Variants in PLCXD3 observed in about 807,000 individuals in gnomAD.
The protein encoded by PLCXD3 is PI-PLC X domain-containing protein 3.
A neutral mutation model predicts 25.5 loss-of-function variants in PLCXD3; 19 were observed. The observed-to-expected ratio is 0.75, with a 90% CI of 0.52 to 1.09. The LOEUF is 1.09. Ranked by LOEUF, PLCXD3 falls within the 50% of genes least tolerant of loss-of-function variation. The pLI, the probability that PLCXD3 is intolerant of heterozygous loss-of-function variation, is 0.00. For synonymous variants in PLCXD3, 174 were observed against 137.6 expected (o/e 1.26, Z -1.85); for missense variants, 411 against 388.1 (o/e 1.06, Z -0.50).
intron 1 of PLCXD3, among the ~76,000 whole-genome samples, chr5:41,471,780 ACCTTC>A (rs1443982950): frequency 6.6e-5 from 4 of 60,250 alleles, no homozygotes; most frequent in East Asian, 4.5e-4. Flanking sequence ...TCTTTTCAAG[ACCTTC>A]CCTTCCCTTC....
At chr5:41,401,572 T>A (rs1372394325) in intron 1 of PLCXD3, among the ~76,000 whole-genome samples, 3 of 152,090 alleles carry the variant, frequency 2.0e-5, no homozygotes, top group Non-Finnish European at 4.4e-5. Context: ...AGCACCACAC[T>A]GTCTTAACTA....
chr5:41,316,761 G>T lies in PLCXD3; in HGVS notation c.813-2991C>A, dbSNP rs189635424. ...AGGGTGGTGGTGGCTATAGGGTGAG[G>T]CTCCTGTACCTTTGGAAAGGACAGG... On this transcript the variant is annotated intron_variant, in intron 2 of 2. Transcript: ENST00000377801. Among the ~76,000 whole-genome samples the T allele has an allele frequency of 2.6e-3, 391 of 152,276 alleles. 1 individual carries two copies. The highest frequency in any genetic ancestry group is 4.7e-3 in the Non-Finnish European group (318 of 68,020).
chr5:41,443,660 C>T (rs531355048), intron 1 of PLCXD3, among the ~76,000 whole-genome samples: 2 of 152,202 alleles, frequency 1.3e-5, no homozygotes, highest in South Asian at 2.1e-4. Context: ...TTTGCAGGAA[C>T]GCAGAGGTGG....
In PLCXD3 at chr5:41,382,420, A is replaced by G. The variant is rs781009875; in HGVS notation, c.218T>C (p.Met73Thr). ...TGTCTGAGTGGCTAACCATTTCCGCATGAGCTTTTTGGCCACAGTTCCAAA... is the reference window on the plus strand; with the variant it reads ...TGTCTGAGTGGCTAACCATTTCCGCGTGAGCTTTTTGGCCACAGTTCCAAA... Reference protein sequence around the residue: ...SVFGTVAKKLMRKWLATQTMN... With the variant: ...SVFGTVAKKLTRKWLATQTMN... The change falls in exon 2 of 3, where the codon ATG (methionine) becomes ACG (threonine). Residue 73 changes from methionine (M) to threonine (T), a missense_variant. Coordinates refer to ENST00000377801, the MANE Select transcript of PLCXD3 (RefSeq NM_001005473.3). 2 of 1,613,384 alleles carry G rather than the reference A, an allele frequency of 1.2e-6. No individual in the cohort carries two copies. The highest frequency in any genetic ancestry group is 1.3e-5 in the African/African-American group (1 of 74,874).
intron 1 of PLCXD3, among the ~76,000 whole-genome samples, chr5:41,473,446 T>A (rs894341438): frequency 7.9e-5 from 12 of 151,464 alleles, no homozygotes; most frequent in African/African-American, 2.2e-4. Flanking sequence ...ATTACTTTTT[T>A]AATTAATTAA....
At chr5:41,338,061 A>T (rs1242186519) in intron 2 of PLCXD3, among the ~76,000 whole-genome samples, 4 of 152,116 alleles carry the variant, frequency 2.6e-5, no homozygotes, top group African/African-American at 9.7e-5. Flanking sequence ...TTAATTTGTA[A>T]TACATTCTCC....
chr5:41,437,943 A>G (rs968771050), intron 1 of PLCXD3, among the ~76,000 whole-genome samples: 6 of 152,216 alleles, frequency 3.9e-5, no homozygotes, highest in Non-Finnish European at 7.3e-5. Context: ...CTTCCTGGAC[A>G]TGGACTATAG....
intron 1 of PLCXD3, among the ~76,000 whole-genome samples, chr5:41,417,931 G>T (rs183438094): frequency 2.9e-4 from 44 of 152,304 alleles, no homozygotes; most frequent in Admixed American, 7.8e-4. Context: ...ATCCTCATGT[G>T]TTATCTTATT....
intron 2 of PLCXD3, among the ~76,000 whole-genome samples, chr5:41,371,200 G>A (rs1358924832): frequency 6.6e-6 from 1 of 152,072 alleles, no homozygotes; most frequent in Non-Finnish European, 1.5e-5. Context: ...AAAAGCACAT[G>A]GACAGACTAA....
chr5:41,396,395 G>A (rs1190636481), intron 1 of PLCXD3, among the ~76,000 whole-genome samples: 1 of 152,096 alleles, frequency 6.6e-6, no homozygotes, highest in Non-Finnish European at 1.5e-5. Context: ...CACAATGATT[G>A]TAAGTTTCCT....
At chr5:41,350,840 G>A (rs536399790) in intron 2 of PLCXD3, among the ~76,000 whole-genome samples, 15 of 152,048 alleles carry the variant, frequency 9.9e-5, no homozygotes, top group South Asian at 2.1e-4. Context: ...GTTAAATTCC[G>A]TTTTATGTCT....
chr5:41,446,577 T>C (rs1738876076), intron 1 of PLCXD3, among the ~76,000 whole-genome samples: 1 of 151,878 alleles, frequency 6.6e-6, no homozygotes, highest in Admixed American at 6.6e-5. Flanking sequence ...TTTCACATTG[T>C]CTTCAAAACA....
intron 1 of PLCXD3, among the ~76,000 whole-genome samples, chr5:41,419,325 CA>C (rs909773693): frequency 6.6e-6 from 1 of 151,870 alleles, no homozygotes; most frequent in Non-Finnish European, 1.5e-5. Flanking sequence ...AAGGACCTCA[CA>C]AAAAAATACT....
intron 2 of PLCXD3, among the ~76,000 whole-genome samples, chr5:41,327,067 C>A (rs1743650674): frequency 6.6e-6 from 1 of 152,072 alleles, no homozygotes; most frequent in Admixed American, 6.6e-5. Flanking sequence ...GACCATTTCA[C>A]AAAACAGGGG....
chr5:41,343,727 G>A (rs1482524332), intron 2 of PLCXD3, among the ~76,000 whole-genome samples: 1 of 152,134 alleles, frequency 6.6e-6, no homozygotes, highest in Non-Finnish European at 1.5e-5. Context: ...TCTTCAGCTA[G>A]AGGAGAATTC....
At chr5:41,396,444 C>A (rs1055679772) in intron 1 of PLCXD3, among the ~76,000 whole-genome samples, 1 of 152,178 alleles carries the variant, frequency 6.6e-6, no homozygotes, top group Non-Finnish European at 1.5e-5. Flanking sequence ...GCATGTGGAA[C>A]TGTGAGTCAA....
intron 1 of PLCXD3, among the ~76,000 whole-genome samples, chr5:41,422,026 C>CTTT (rs1746841030): frequency 6.6e-6 from 1 of 151,964 alleles, no homozygotes; most frequent in Non-Finnish European, 1.5e-5. Context: ...AGGAAGATAT[C>CTTT]AACCTACCTT....
At chr5:41,390,870 A>G (rs1212528749) in intron 1 of PLCXD3, among the ~76,000 whole-genome samples, 5 of 152,238 alleles carry the variant, frequency 3.3e-5, no homozygotes, top group Non-Finnish European at 7.3e-5. Flanking sequence ...CCCTGGCGGC[A>G]GTGGCCTGGT....
intron 2 of PLCXD3, among the ~76,000 whole-genome samples, chr5:41,321,155 G>A (rs1185505112): frequency 2.6e-5 from 4 of 152,170 alleles, no homozygotes; most frequent in African/African-American, 7.2e-5. Flanking sequence ...AAAGTCAAAT[G>A]TCCCTTGTTT....
Sources: allele counts gnomAD v4.1 joint callset (sites outside exome capture counted in the v4.1 genomes callset), GRCh38; gene constraint gnomAD v4.1.1; transcripts MANE v1.5; gene names NCBI Gene and HGNC (gene_info 2026-07-23, HGNC 2026-07-21).